The following LGALS8 variants were observed in gnomAD, a reference collection of about 807,000 sequenced individuals.
LGALS8 encodes the protein galectin-8.
LGALS8 carries 30 observed loss-of-function variants against 35.9 expected under a neutral mutation model. The ratio of observed to expected loss-of-function variants is 0.83; its 90% confidence interval spans 0.62 to 1.13. LGALS8 has a LOEUF of 1.13. Among genes scored for constraint, LGALS8 ranks in the 50% most tolerant of loss-of-function variants. LGALS8 has a pLI of 0.00. For missense variants in LGALS8, 366 were observed against 388.7 expected (o/e 0.94, Z 0.49); for synonymous variants, 138 against 136.1 (o/e 1.01, Z -0.10).
chr1:236,539,590 CGT>C (rs1256533289), intron 4 of LGALS8, among the ~76,000 whole-genome samples: 22 of 139,970 alleles, frequency 1.6e-4, no homozygotes, highest in Non-Finnish European at 2.2e-4. Flanking sequence ...TTGTACCTAG[CGT>C]GTATGTGTAC....
upstream of LGALS8, among the ~76,000 whole-genome samples, chr1:236,520,361 A>G (rs1660516069): frequency 1.4e-5 from 2 of 144,594 alleles, no homozygotes; most frequent in African/African-American, 5.1e-5. Flanking sequence ...AAAGTCACCA[A>G]TGTAGTATCT....
At position 236,548,574 on chromosome 1, in the gene LGALS8, T is replaced by C. The variant is rs1472819256; in HGVS notation, c.*413T>C. On this transcript the variant is annotated 3_prime_UTR_variant, in exon 10 of 10. Coordinates refer to ENST00000366584, the MANE Select transcript of LGALS8 (RefSeq NM_201544.4). ...TCCCTGTTCTCTTGAGCTTCGACTCTTCTGTGCGCTACTGCTGCGCACTGC... is the reference window on the plus strand; with the variant it reads ...TCCCTGTTCTCTTGAGCTTCGACTCCTCTGTGCGCTACTGCTGCGCACTGC... 4 of 263,872 alleles carry C rather than the reference T, an allele frequency of 1.5e-5. No homozygotes were observed. The highest frequency in any genetic ancestry group is 3.0e-4 in the South Asian group (2 of 6,624). The allele number at this position is 263,872 out of a possible 1,614,324, so 16.3% of individuals were successfully genotyped here.
chr1:236,548,400 T>A lies in LGALS8; in HGVS notation c.*239T>A. On this transcript the variant is annotated 3_prime_UTR_variant, in exon 10 of 10. Transcript: ENST00000366584. ...GTTAAAGCCACTCTGCCCTCTCTCC[T>A]ACTTTGGCTGACTCTTCAAGAATGC... 2.0e-6 allele frequency: 1 copy of A among 493,588 alleles called. No individual in the cohort carries two copies. The highest frequency in any genetic ancestry group is 3.5e-5 in the East Asian group (1 of 28,856). 30.6% of individuals were successfully genotyped at this position (493,588 alleles called of 1,614,324 possible).
chr1:236,534,776 G>A (rs916166300), intron 2 of LGALS8, among the ~76,000 whole-genome samples: 2 of 152,054 alleles, frequency 1.3e-5, no homozygotes, highest in South Asian at 2.1e-4. Flanking sequence ...GATGGGGGCC[G>A]GGTGCGGTAG....
chr1:236,539,399 GTT>G (rs1426151977), intron 4 of LGALS8, among the ~76,000 whole-genome samples: 1 of 152,210 alleles, frequency 6.6e-6, no homozygotes, highest in African/African-American at 2.4e-5. Context: ...GGGAGGGTAA[GTT>G]ATAATATAAC....
At position 236,548,389 on chromosome 1, in the gene LGALS8, G is replaced by A. The variant is rs1662544953; in HGVS notation, c.*228G>A. On this transcript the variant is annotated 3_prime_UTR_variant, in exon 10 of 10. Coordinates refer to ENST00000366584, the MANE Select transcript of LGALS8 (RefSeq NM_201544.4). Reference sequence around the variant, plus strand: ...ACTTATAGCCAGTTAAAGCCACTCTGCCCTCTCTCCTACTTTGGCTGACTC... The same window carrying A: ...ACTTATAGCCAGTTAAAGCCACTCTACCCTCTCTCCTACTTTGGCTGACTC... 3 of 514,454 alleles carry A rather than the reference G, an allele frequency of 5.8e-6. No homozygotes were observed. Among genetic ancestry groups the A allele is most frequent in the African/African-American group, 3.8e-5 (2 of 52,060 alleles). 31.9% of individuals were successfully genotyped at this position (514,454 alleles called of 1,614,324 possible).
upstream of LGALS8, among the ~76,000 whole-genome samples, chr1:236,521,783 G>GT (rs1012709382): frequency 1.3e-5 from 2 of 150,928 alleles, no homozygotes; most frequent in Non-Finnish European, 2.9e-5. Context: ...AGCTGAGAAT[G>GT]TAACACTGTA....
chr1:236,540,429 G>GT, intron 4 of LGALS8, 135 bp from the exon 5 acceptor site: 1 of 955,940 alleles, frequency 1.0e-6, no homozygotes, highest in South Asian at 2.3e-5. Flanking sequence ...GTTACCATTT[G>GT]GTCATGTGTG....
chr1:236,520,662 C>T (rs1571981284), upstream of LGALS8, among the ~76,000 whole-genome samples: 1 of 152,108 alleles, frequency 6.6e-6, no homozygotes, highest in East Asian at 1.9e-4. Flanking sequence ...TCTGTGACAC[C>T]ACTCTCAGCA....
At chr1:236,535,836 T>C (rs946098673) in intron 2 of LGALS8, among the ~76,000 whole-genome samples, 2 of 152,262 alleles carry the variant, frequency 1.3e-5, no homozygotes, top group Non-Finnish European at 2.9e-5. Flanking sequence ...GCTTGTGGGC[T>C]CAGCTTGCGG....
At chr1:236,522,330 T>G (rs1660577389), upstream of LGALS8, among the ~76,000 whole-genome samples, 1 of 152,174 alleles carries the variant, frequency 6.6e-6, no homozygotes, top group Admixed American at 6.5e-5. Flanking sequence ...AGGGCCCAGC[T>G]TGGTGTCTCA....
chr1:236,530,576 C>G (rs1485568092), intron 2 of LGALS8, among the ~76,000 whole-genome samples: 1 of 152,180 alleles, frequency 6.6e-6, no homozygotes, highest in African/African-American at 2.4e-5. Context: ...CCCCAACTCT[C>G]AGTTGCTCAG....
intron 1 of LGALS8, chr1:236,524,430 A>T (rs1423173703): frequency 2.2e-6 from 1 of 455,726 alleles, no homozygotes; most frequent in South Asian, 1.5e-5. Context: ...GCCGAGCGCC[A>T]CCTCCAAGTG....
Position 236,524,003 on chromosome 1 carries a change from G to T in LGALS8, c.-162G>T, listed in dbSNP as rs551507261. The T allele has an allele frequency of 2.5e-6, 1 of 403,772 alleles. No homozygotes were observed. The highest frequency in any genetic ancestry group is 5.0e-6 in the Non-Finnish European group (1 of 199,188). The allele number at this position is 403,772 out of a possible 1,614,324, so 25.0% of individuals were successfully genotyped here. Reference sequence around the variant, plus strand: ...GGACGCCAGAGCCGGGAACCCTGACGGCACTTAGCTGCTGACAAACAACCT... The same window carrying T: ...GGACGCCAGAGCCGGGAACCCTGACTGCACTTAGCTGCTGACAAACAACCT... On this transcript the variant is annotated 5_prime_UTR_variant, in exon 1 of 10. Coordinates refer to ENST00000366584, the MANE Select transcript of LGALS8 (RefSeq NM_201544.4).
At chr1:236,527,187 C>T (rs1036810797) in intron 2 of LGALS8, among the ~76,000 whole-genome samples, 4 of 152,158 alleles carry the variant, frequency 2.6e-5, no homozygotes, top group Non-Finnish European at 5.9e-5. Context: ...TTGGCTCAAG[C>T]TGGGAGAATG....
intron 4 of LGALS8, among the ~76,000 whole-genome samples, chr1:236,539,447 G>A (rs1337838391): frequency 6.6e-6 from 1 of 152,216 alleles, no homozygotes; most frequent in Non-Finnish European, 1.5e-5. Flanking sequence ...GGCAATCCCA[G>A]CGAAGAAATC....
chr1:236,540,187 G>A lies in LGALS8; in HGVS notation c.346-377G>A, dbSNP rs936327906. 7.5e-4 allele frequency: 140 copies of A among 187,364 alleles called. 1 individual carries two copies. The highest frequency in any genetic ancestry group is 2.9e-3 in the African/African-American group (125 of 42,976). The allele number at this position is 187,364 out of a possible 1,614,324, so 11.6% of individuals were successfully genotyped here. ...TGGTCTCCAGGGACAGTGTTGTGGG[G>A]AGCTCGCAGGCAGATCTTTAACCTG... On this transcript the variant is annotated intron_variant, in intron 4 of 9. Transcript: ENST00000366584.
At chr1:236,521,049 AAC>A, upstream of LGALS8, among the ~76,000 whole-genome samples, 1 of 152,190 alleles carries the variant, frequency 6.6e-6, no homozygotes, top group Non-Finnish European at 1.5e-5. Flanking sequence ...TCTTCTCTAA[AAC>A]ACATCACTGT....
At chr1:236,537,446 G>T in intron 2 of LGALS8, 51 bp from the exon 3 acceptor site, 4 of 1,104,026 alleles carry the variant, frequency 3.6e-6, no homozygotes, top group Non-Finnish European at 5.6e-6. Flanking sequence ...TAATTGCTTA[G>T]TAAGTAATTT....
Sources: gnomAD v4.1 joint callset for allele counts (sites outside exome capture counted in the v4.1 genomes callset) on GRCh38, gnomAD v4.1.1 for gene constraint, MANE v1.5 for transcripts, NCBI Gene and HGNC (gene_info 2026-07-23, HGNC 2026-07-21) for gene names.